The following AACS variants were observed in gnomAD, a reference collection of about 807,000 sequenced individuals.
The protein encoded by AACS is acetoacetate-CoA ligase.
A neutral mutation model predicts 83.1 loss-of-function variants in AACS; 69 were observed. The ratio of observed to expected loss-of-function variants is 0.83; its 90% CI spans 0.68 to 1.01. The LOEUF (loss-of-function observed/expected upper bound fraction) is 1.01. AACS is among the 50% of genes least tolerant of loss of function. The pLI is 0.00. For synonymous variants in AACS, 333 were observed against 343.4 expected (o/e 0.97, Z 0.33); for missense variants, 866 against 882.2 (o/e 0.98, Z 0.23).
intron 17 of AACS, 30 bp downstream of exon 17, chr12:125,136,894 C>T (rs764401605): frequency 2.3e-5 from 37 of 1,604,756 alleles, no homozygotes; most frequent in South Asian, 3.3e-5. Context: ...GCGAGGAGAC[C>T]GCAGCCATCG....
intron 4 of AACS, among the ~76,000 whole-genome samples, chr12:125,089,719 ATCTATCCATCCT>A (rs1956419249): frequency 6.6e-6 from 1 of 151,562 alleles, no homozygotes; most frequent in Non-Finnish European, 1.5e-5. Context: ...CTGTCCATCC[ATCTATCCATCCT>A]TCTCTCCACC....
At chr12:125,105,988 T>G (rs779682624) in intron 7 of AACS, among the ~76,000 whole-genome samples, 2 of 152,236 alleles carry the variant, frequency 1.3e-5, no homozygotes, top group Non-Finnish European at 2.9e-5. Context: ...TTTGTTTGTT[T>G]CTTGCTTAGA....
rs1250812620 is a variant in AACS at position 125,136,602 on chromosome 12, G to A, written c.1679-60G>A. On this transcript the variant is annotated intron_variant, in intron 16 of 17. Transcript: ENST00000316519. ...CTCCTGCTCTGCCAGGTTGCTGTGAGGCCCGACCCCACACTGAGGGGCCCC... is the reference window on the plus strand; with the variant it reads ...CTCCTGCTCTGCCAGGTTGCTGTGAAGCCCGACCCCACACTGAGGGGCCCC... 21 of 1,490,684 alleles carry A rather than the reference G, an allele frequency of 1.4e-5. 1 individual carries two copies. The highest frequency in any genetic ancestry group is 2.4e-4 in the Middle Eastern group (1 of 4,204). 92.3% of individuals were successfully genotyped at this position (1,490,684 alleles called of 1,614,324 possible).
At chr12:125,068,983 G>A (rs573860170) in intron 1 of AACS, among the ~76,000 whole-genome samples, 1 of 152,034 alleles carries the variant, frequency 6.6e-6, no homozygotes, top group African/African-American at 2.4e-5. Flanking sequence ...GGGATTACAG[G>A]CATGCAACAC....
chr12:125,078,097 T>A (rs1224883024), intron 3 of AACS: 1 of 455,924 alleles, frequency 2.2e-6, no homozygotes, highest in Admixed American at 2.4e-5. Context: ...ACTCCCTAGA[T>A]CAGCACAAGA....
At chr12:125,112,573 G>A (rs1286502250) in intron 8 of AACS, among the ~76,000 whole-genome samples, 1 of 151,742 alleles carries the variant, frequency 6.6e-6, no homozygotes, top group Admixed American at 6.6e-5. Flanking sequence ...CCAGCTACTT[G>A]GGAGGCTGAG....
At chr12:125,134,762 C>T (rs2291248) in intron 15 of AACS, 32 bp from the exon 16 acceptor site, 646,464 of 1,612,952 alleles carry the variant, frequency 0.4, 131,938 homozygotes, top group East Asian at 0.61. Context: ...TCCAGAGCTG[C>T]GGTGTGGCCC....
At chr12:125,087,557 C>T (rs1956367328) in intron 4 of AACS, among the ~76,000 whole-genome samples, 1 of 152,226 alleles carries the variant, frequency 6.6e-6, no homozygotes, top group African/African-American at 2.4e-5. Flanking sequence ...CCTTTCCCCT[C>T]CATGTCATCG....
intron 1 of AACS, among the ~76,000 whole-genome samples, chr12:125,072,813 T>TAA (rs986135429): frequency 4.5e-4 from 68 of 152,292 alleles, no homozygotes; most frequent in African/African-American, 1.6e-3. Context: ...GGGGAAAAGT[T>TAA]ATTTTGAGTA....
rs1956550237 is a variant in AACS at position 125,094,034 on chromosome 12, G to A, written c.570+2511G>A. ...GCTGAGTAAGGACCTGGCACAGGTC[G>A]ACTGCGCGAAAGCCTCTGCTCACCC... On this transcript the variant is annotated intron_variant, in intron 5 of 17. Coordinates refer to ENST00000316519, the MANE Select transcript of AACS (RefSeq NM_023928.5). The surrounding 1 kb of genome is among the most constrained non-coding windows in gnomAD (Gnocchi z 4.1). Among the ~76,000 whole-genome samples, 1 of 152,124 alleles carries A rather than the reference G, an allele frequency of 6.6e-6. No homozygotes were observed. Among genetic ancestry groups the A allele is most frequent in the South Asian group, 2.1e-4 (1 of 4,824 alleles).
chr12:125,141,823 A>C, intron 17 of AACS: 1 of 410,136 alleles, frequency 2.4e-6, no homozygotes, highest in South Asian at 4.5e-5. Context: ...GGGTGTGGAG[A>C]GTGTTAGAGT....
intron 8 of AACS, among the ~76,000 whole-genome samples, chr12:125,108,294 C>T (rs1454934474): frequency 6.6e-6 from 1 of 152,228 alleles, no homozygotes. Flanking sequence ...TCTGAGGCCT[C>T]TCTCCTTGGC....
intron 15 of AACS, 91 bp from the exon 16 acceptor site, chr12:125,134,703 A>G (rs931326898): frequency 7.0e-7 from 1 of 1,429,940 alleles, no homozygotes; most frequent in Non-Finnish European, 9.8e-7. Flanking sequence ...ATGCCATGGG[A>G]AAGTGGGGGG....
At position 125,129,195 on chromosome 12, in the gene AACS, G is replaced by A. The variant is rs1389238384; in HGVS notation, c.1424-140G>A. On this transcript the variant is annotated intron_variant, in intron 13 of 17. Transcript: ENST00000316519. This position sits in a 1 kb window ranked among gnomAD's most constrained non-coding sequence, Gnocchi z 4.3. ...GCATTATTAGGCTGCTGTGACAGGT[G>A]TGTGGGCGTGGACCATCTCTGTACC... is the stretch of plus-strand genomic sequence containing the variant. 4 of 1,187,236 alleles carry A rather than the reference G, an allele frequency of 3.4e-6. No homozygotes were observed. The Admixed American group carries it at 9.9e-5, about 29-fold the overall frequency. The allele number at this position is 1,187,236 out of a possible 1,614,324, so 73.5% of individuals were successfully genotyped here.
At chr12:125,138,567 A>G (rs1957432285) in intron 17 of AACS, 1 of 152,196 alleles carries the variant, frequency 6.6e-6, no homozygotes, top group South Asian at 2.1e-4. Flanking sequence ...CTGCCAAAAC[A>G]GTTGTTACCA....
chr12:125,134,949 C>A, intron 16 of AACS, 97 bp downstream of exon 16: 1 of 1,386,456 alleles, frequency 7.2e-7, no homozygotes, highest in East Asian at 2.4e-5. Context: ...CAACTCTGGC[C>A]CCTTGTTCTC....
intron 4 of AACS, among the ~76,000 whole-genome samples, chr12:125,088,082 G>A (rs540621611): frequency 2.6e-4 from 39 of 152,230 alleles, no homozygotes; most frequent in East Asian, 1.2e-3. Context: ...GTTTGTGTGC[G>A]TGTGTTCTCC....
chr12:125,111,433 G>A (rs967312427), intron 8 of AACS, among the ~76,000 whole-genome samples: 2 of 152,332 alleles, frequency 1.3e-5, no homozygotes, highest in East Asian at 1.9e-4. Flanking sequence ...GCATAAAAAT[G>A]TATTAGATAT....
intron 8 of AACS, 136 bp downstream of exon 8, chr12:125,107,404 C>A (rs1183872120): frequency 8.2e-7 from 1 of 1,214,660 alleles, no homozygotes; most frequent in Non-Finnish European, 1.1e-6. Context: ...AGCTTCTCTC[C>A]AAGTGGGGTG....
Sources: allele counts gnomAD v4.1 joint callset (sites outside exome capture counted in the v4.1 genomes callset), GRCh38; gene constraint gnomAD v4.1.1; non-coding constraint Gnocchi (gnomAD v3.1); transcripts MANE v1.5; gene names NCBI Gene and HGNC (gene_info 2026-07-23, HGNC 2026-07-21).